The following UCK2 variants were observed in gnomAD, a reference collection of about 807,000 sequenced individuals.
UCK2 encodes the protein uridine-cytidine kinase 2.
A neutral mutation model predicts 30.8 loss-of-function variants in UCK2; 6 were observed. That is an observed-to-expected ratio of 0.19 (90% CI 0.11 to 0.38). The LOEUF is 0.38. Ranked by LOEUF, UCK2 falls within the 10% of genes least tolerant of loss-of-function variation. The pLI is 1.00. For synonymous variants in UCK2, 125 were observed against 133.6 expected (o/e 0.94, Z 0.45); for missense variants, 210 against 339.8 (o/e 0.62, Z 3.00).
intron 2 of UCK2, chr1:165,890,917 T>A (rs1421914737): frequency 5.9e-6 from 2 of 338,348 alleles, no homozygotes; most frequent in African/African-American, 4.3e-5. Flanking sequence ...CAGGTCAGTT[T>A]AGCATGTGCC....
chr1:165,901,947 C>A (rs1375243868), intron 4 of UCK2, among the ~76,000 whole-genome samples: 158 of 109,076 alleles, frequency 1.4e-3, no homozygotes, highest in Admixed American at 2.0e-3. Context: ...CCGTGTCTAC[C>A]AAAAAAAAAA....
At chr1:165,872,124 G>T (rs577684341) in intron 1 of UCK2, among the ~76,000 whole-genome samples, 21 of 151,932 alleles carry the variant, frequency 1.4e-4, no homozygotes, top group Non-Finnish European at 2.6e-4. Flanking sequence ...ACACAGGCTG[G>T]AGTACAGTGG....
At chr1:165,854,383 T>A (rs1280366058) in intron 1 of UCK2, among the ~76,000 whole-genome samples, 1 of 152,150 alleles carries the variant, frequency 6.6e-6, no homozygotes, top group Non-Finnish European at 1.5e-5. Flanking sequence ...TTAACCTCAT[T>A]CAGATGATTC....
At chr1:165,853,697 G>A (rs1654657914) in intron 1 of UCK2, among the ~76,000 whole-genome samples, 1 of 152,108 alleles carries the variant, frequency 6.6e-6, no homozygotes, top group Non-Finnish European at 1.5e-5. Flanking sequence ...ATAATGAAAA[G>A]TATTTGTTTC....
At chr1:165,828,065 C>G (rs962360655) in intron 1 of UCK2, 133 bp downstream of exon 1, 25 of 531,980 alleles carry the variant, frequency 4.7e-5, no homozygotes, top group African/African-American at 3.9e-4. Context: ...CGGCCGCGCT[C>G]CAGCGCCGAG....
At chr1:165,878,031 T>C (rs891498887) in intron 1 of UCK2, among the ~76,000 whole-genome samples, 3 of 152,170 alleles carry the variant, frequency 2.0e-5, no homozygotes, top group Admixed American at 2.0e-4. Flanking sequence ...TTTGCTGTTG[T>C]ACATTGAGTG....
At chr1:165,836,864 T>C (rs1654206767) in intron 1 of UCK2, among the ~76,000 whole-genome samples, 1 of 152,216 alleles carries the variant, frequency 6.6e-6, no homozygotes, top group African/African-American at 2.4e-5. Flanking sequence ...AATTTATTTC[T>C]TACAGTTCTG....
intron 1 of UCK2, among the ~76,000 whole-genome samples, chr1:165,884,539 A>G (rs545904488): frequency 3.3e-5 from 5 of 152,346 alleles, no homozygotes; most frequent in East Asian, 3.9e-4. Flanking sequence ...GGCTTGGGCT[A>G]TGTCAGGTTC....
At chr1:165,879,447 G>A (rs76085131) in intron 1 of UCK2, among the ~76,000 whole-genome samples, 253 of 152,186 alleles carry the variant, frequency 1.7e-3, no homozygotes, top group African/African-American at 5.7e-3. Flanking sequence ...TCATATTTGC[G>A]TGGGTCTGAA....
chr1:165,894,769 A>G (rs973854529), intron 3 of UCK2, among the ~76,000 whole-genome samples: 6 of 152,052 alleles, frequency 3.9e-5, no homozygotes, highest in Non-Finnish European at 5.9e-5. Context: ...CTGAGAAGGC[A>G]TCAGGAAGTG....
At chr1:165,880,125 C>T (rs1320809177) in intron 1 of UCK2, among the ~76,000 whole-genome samples, 3 of 152,186 alleles carry the variant, frequency 2.0e-5, no homozygotes, top group Admixed American at 2.0e-4. Context: ...CATGTGCGGC[C>T]TGCAATTTGG....
intron 1 of UCK2, among the ~76,000 whole-genome samples, chr1:165,872,404 C>T (rs1257226485): frequency 6.6e-6 from 1 of 152,102 alleles, no homozygotes; most frequent in Non-Finnish European, 1.5e-5. Context: ...GATGTTTACC[C>T]TCACTTAAAA....
intron 1 of UCK2, among the ~76,000 whole-genome samples, chr1:165,834,268 C>A (rs1332271096): frequency 6.6e-6 from 1 of 152,134 alleles, no homozygotes; most frequent in Non-Finnish European, 1.5e-5. Context: ...GTAGTACTTA[C>A]TAAATCATGA....
chr1:165,835,816 G>A (rs747116458), intron 1 of UCK2, among the ~76,000 whole-genome samples: 52 of 151,814 alleles, frequency 3.4e-4, no homozygotes, highest in Non-Finnish European at 6.2e-4. Context: ...TTTATTGGTC[G>A]TTCTATCACA....
In UCK2 at chr1:165,839,667, G is replaced by A. The variant is rs115850843; in HGVS notation, c.99+11735G>A. Among the ~76,000 whole-genome samples the A allele has an allele frequency of 5.1e-3, 775 of 152,278 alleles. 5 individuals carry two copies. The highest frequency in any genetic ancestry group is 9.1e-3 in the Non-Finnish European group (621 of 68,020). ...CAGGAAGCTTGATGGAGTGGAGAAC[G>A]TGCGTGGGTTTTGGAGTCAGCCAGG... On this transcript the variant is annotated intron_variant, in intron 1 of 6. Coordinates refer to ENST00000367879, the MANE Select transcript of UCK2 (RefSeq NM_012474.5).
intron 4 of UCK2, among the ~76,000 whole-genome samples, chr1:165,901,251 A>G (rs941979588): frequency 6.6e-6 from 1 of 152,164 alleles, no homozygotes; most frequent in Non-Finnish European, 1.5e-5. Flanking sequence ...CTGTTTTATT[A>G]CCAGGTCTCC....
intron 1 of UCK2, among the ~76,000 whole-genome samples, chr1:165,863,044 A>G (rs182635353): frequency 3.7e-4 from 57 of 152,320 alleles, no homozygotes; most frequent in Admixed American, 5.9e-4. Context: ...GAAACCTATT[A>G]TGTGCGAGCC....
intron 4 of UCK2, among the ~76,000 whole-genome samples, chr1:165,901,971 A>G (rs888683080): frequency 3.5e-5 from 5 of 142,702 alleles, no homozygotes; most frequent in Non-Finnish European, 3.0e-5. Context: ...AAAAAGGCTC[A>G]CACCTGTAAT....
At chr1:165,907,331 A>G (rs1647699362) in intron 6 of UCK2, among the ~76,000 whole-genome samples, 2 of 152,204 alleles carry the variant, frequency 1.3e-5, no homozygotes, top group Admixed American at 6.5e-5. Flanking sequence ...AAGGTCTCAT[A>G]GCTAATTGAC....
Sources: gnomAD v4.1 joint callset for allele counts (sites outside exome capture counted in the v4.1 genomes callset) on GRCh38, gnomAD v4.1.1 for gene constraint, MANE v1.5 for transcripts, NCBI Gene and HGNC (gene_info 2026-07-23, HGNC 2026-07-21) for gene names.